SPPL3: variants seen among roughly 807,000 people sequenced by gnomAD.
SPPL3 encodes signal peptide peptidase like 3.
Under a neutral mutation model 42.4 loss-of-function variants are expected in SPPL3, and 5 were observed. That is an observed-to-expected ratio of 0.12 (90% CI 0.06 to 0.25). The LOEUF is 0.25. Among genes scored for constraint, SPPL3 ranks in the 10% least tolerant of loss-of-function variants. The pLI is 1.00. For missense variants in SPPL3, 235 were observed against 489.0 expected (o/e 0.48, Z 4.90); for synonymous variants, 195 against 181.8 (o/e 1.07, Z -0.58).
intron 1 of SPPL3, among the ~76,000 whole-genome samples, chr12:120,828,579 T>C (rs1382824512): frequency 6.6e-6 from 1 of 152,022 alleles, no homozygotes; most frequent in African/African-American, 2.4e-5. Flanking sequence ...TAAAACAATC[T>C]TGGGGAAAAA....
rs1406022522 is a variant in SPPL3, at chr12:120,904,055, G to A, written c.-188C>T. 3 of 358,922 alleles carry A rather than the reference G, an allele frequency of 8.4e-6. No individual in the cohort carries two copies. The highest frequency in any genetic ancestry group is 2.2e-5 in the African/African-American group (1 of 46,306). 22.2% of individuals were successfully genotyped at this position (358,922 alleles called of 1,614,324 possible). A position where few individuals can be genotyped will look rare whatever the true frequency, so the allele number is the denominator to read the frequency against. ...AGAGGCCGGGCTCCGAAGCGGCCCC[G>A]CTCCCTGGGCCCCGGGGCGGGGCGG... On this transcript the variant is annotated 5_prime_UTR_variant, in exon 1 of 11. Transcript: ENST00000353487.
intron 1 of SPPL3, among the ~76,000 whole-genome samples, chr12:120,820,329 T>TC (rs1555250163): frequency 1.3e-5 from 2 of 148,556 alleles, no homozygotes. Flanking sequence ...TTTTTTTTTT[T>TC]TGTGAGACAA....
At chr12:120,877,445 T>C (rs1873139407) in intron 1 of SPPL3, among the ~76,000 whole-genome samples, 1 of 151,972 alleles carries the variant, frequency 6.6e-6, no homozygotes, top group Admixed American at 6.6e-5. Flanking sequence ...GACATGAAAA[T>C]CTGTAACAAA....
intron 1 of SPPL3, among the ~76,000 whole-genome samples, chr12:120,831,349 T>G (rs1362614527): frequency 6.6e-6 from 1 of 152,174 alleles, no homozygotes; most frequent in Non-Finnish European, 1.5e-5. Flanking sequence ...TCTATTTCTC[T>G]GGAGAACCCT....
intron 1 of SPPL3, among the ~76,000 whole-genome samples, chr12:120,877,820 C>T (rs376011777): frequency 1.4e-4 from 21 of 146,060 alleles, no homozygotes; most frequent in African/African-American, 2.8e-4. Flanking sequence ...AAGCATAACA[C>T]GTTATGATTT....
At chr12:120,772,457 CAG>C (rs1260198348) in intron 6 of SPPL3, among the ~76,000 whole-genome samples, 1 of 139,256 alleles carries the variant, frequency 7.2e-6, no homozygotes, top group African/African-American at 2.8e-5. Flanking sequence ...TCCTGGGAAA[CAG>C]AAACCATGTC....
intron 6 of SPPL3, among the ~76,000 whole-genome samples, chr12:120,780,686 G>C (rs1869499509): frequency 1.3e-5 from 2 of 150,454 alleles, no homozygotes; most frequent in South Asian, 4.2e-4. Flanking sequence ...TCAGGGGTTC[G>C]AGACTAGCCT....
intron 1 of SPPL3, among the ~76,000 whole-genome samples, chr12:120,840,819 G>A (rs1341680457): frequency 2.6e-5 from 4 of 151,738 alleles, no homozygotes. Context: ...GGGCAACAGA[G>A]TGAGACCCGG....
chr12:120,878,012 CTT>C (rs1053064273), intron 1 of SPPL3, among the ~76,000 whole-genome samples: 1 of 136,882 alleles, frequency 7.3e-6, no homozygotes, highest in African/African-American at 2.8e-5. Context: ...GAGCAAGACT[CTT>C]GTCTTAAAAA....
intron 1 of SPPL3, among the ~76,000 whole-genome samples, chr12:120,902,421 AC>A (rs1874010454): frequency 1.3e-5 from 2 of 152,186 alleles, no homozygotes; most frequent in African/African-American, 4.8e-5. Flanking sequence ...TTCTGATATT[AC>A]CCATTTCTTA....
intron 1 of SPPL3, among the ~76,000 whole-genome samples, chr12:120,820,245 T>C (rs908655605): frequency 1.3e-5 from 2 of 152,020 alleles, no homozygotes; most frequent in African/African-American, 4.8e-5. Context: ...CTTACAGAAA[T>C]GTTCATTTTT....
At chr12:120,827,456 T>C (rs1230456451) in intron 1 of SPPL3, among the ~76,000 whole-genome samples, 2 of 152,062 alleles carry the variant, frequency 1.3e-5, no homozygotes, top group Admixed American at 6.6e-5. Context: ...CCTCATTTCA[T>C]CTTTTCAACT....
intron 6 of SPPL3, among the ~76,000 whole-genome samples, chr12:120,778,108 G>A (rs10774567): frequency 0.69 from 96,081 of 138,448 alleles, 33,466 homozygotes; most frequent in East Asian, 0.84. Context: ...TGACTGAAAA[G>A]CAATTTTTTT....
intron 1 of SPPL3, among the ~76,000 whole-genome samples, chr12:120,877,058 T>C (rs1242970462): frequency 6.6e-6 from 1 of 150,446 alleles, no homozygotes; most frequent in African/African-American, 2.4e-5. Context: ...ATTTAAAAGG[T>C]AGAAAAAAAA....
chr12:120,814,917 C>T (rs1870815466), intron 1 of SPPL3, among the ~76,000 whole-genome samples: 1 of 152,104 alleles, frequency 6.6e-6, no homozygotes, highest in East Asian at 1.9e-4. Context: ...TGGAGAACTT[C>T]CTTTTTAAAA....
At chr12:120,841,113 GT>G (rs1871813062) in intron 1 of SPPL3, among the ~76,000 whole-genome samples, 1 of 152,038 alleles carries the variant, frequency 6.6e-6, no homozygotes, top group Non-Finnish European at 1.5e-5. Flanking sequence ...ATCACCTGAG[GT>G]CAGCAGTTCG....
At chr12:120,830,685 G>A (rs1272208956) in intron 1 of SPPL3, among the ~76,000 whole-genome samples, 1 of 150,990 alleles carries the variant, frequency 6.6e-6, no homozygotes, top group Non-Finnish European at 1.5e-5. Context: ...ATAAAACAGA[G>A]ATAATCCCAT....
chr12:120,877,825 T>C (rs2137054987), intron 1 of SPPL3, among the ~76,000 whole-genome samples: 1 of 149,548 alleles, frequency 6.7e-6, no homozygotes, highest in African/African-American at 2.5e-5. Context: ...TAACACGTTA[T>C]GATTTCAGGA....
intron 1 of SPPL3, among the ~76,000 whole-genome samples, chr12:120,860,759 G>A (rs1279276376): frequency 1.3e-5 from 2 of 152,182 alleles, no homozygotes; most frequent in Non-Finnish European, 2.9e-5. Context: ...AAGAGAAGTA[G>A]AAGGCGGCAA....
Sources: gnomAD v4.1 joint callset for allele counts (sites outside exome capture counted in the v4.1 genomes callset) on GRCh38, gnomAD v4.1.1 for gene constraint, MANE v1.5 for transcripts, NCBI Gene and HGNC (gene_info 2026-07-23, HGNC 2026-07-21) for gene names.